Variants in RAB33B observed in about 807,000 individuals in gnomAD.
RAB33B encodes the protein ras-related protein Rab-33B.
In RAB33B, 6 loss-of-function variants were observed where a neutral mutation model predicts 15.0. The ratio of observed to expected loss-of-function variants is 0.40; its 90% CI spans 0.22 to 0.79. The LOEUF is 0.79. Ranked by LOEUF, RAB33B falls within the 30% of genes least tolerant of loss-of-function variation. The probability of loss-of-function intolerance (pLI) is 0.37; values close to 1 mark genes in which losing one functional copy is unlikely to be tolerated. For synonymous variants in RAB33B, 117 were observed against 108.3 expected, an observed-to-expected ratio of 1.08 and a Z score of -0.50; for missense variants, 257 against 296.4, an observed-to-expected ratio of 0.87 and a Z score of 0.98.
intron 1 of RAB33B, among the ~76,000 whole-genome samples, chr4:139,464,006 C>CT: frequency 6.6e-6 from 1 of 152,320 alleles, no homozygotes; most frequent in South Asian, 2.1e-4. Flanking sequence ...GGCATGATGG[C>CT]TTTTGCCTAT....
rs1168750457 is a variant in RAB33B at position 139,473,858 on chromosome 4, A to G, written c.*732A>G. The G allele has an allele frequency of 6.6e-6, 1 of 151,742 alleles. No individual in the cohort carries two copies. The highest frequency in any genetic ancestry group is 2.4e-5 in the African/African-American group (1 of 41,326). The allele number at this position is 151,742 out of a possible 1,614,324, so 9.4% of individuals were successfully genotyped here. A position where few individuals can be genotyped will look rare whatever the true frequency, so the allele number is the denominator to read the frequency against. On this transcript the variant is annotated 3_prime_UTR_variant, in exon 2 of 2. Transcript: ENST00000305626. ...CTAATTAATACTTATCAGATCTACA[A>G]AAATCATTATTATTTTAAAAGAGTT... is the stretch of plus-strand genomic sequence containing the variant.
the RAB33B span, among the ~76,000 whole-genome samples, chr4:139,445,901 C>T: frequency 7.2e-5 from 11 of 152,182 alleles, no homozygotes; most frequent in Admixed American, 3.3e-4. Flanking sequence ...ACATCTTCTG[C>T]AGATAACTAT....
At chr4:139,457,691 C>G (rs1750093381) in intron 1 of RAB33B, among the ~76,000 whole-genome samples, 1 of 152,134 alleles carries the variant, frequency 6.6e-6, no homozygotes, top group East Asian at 1.9e-4. Context: ...GGTCAGCAAA[C>G]TATGCTTGAG....
the RAB33B span, among the ~76,000 whole-genome samples, chr4:139,446,963 G>C: frequency 2.0e-5 from 3 of 152,232 alleles, no homozygotes; most frequent in African/African-American, 7.2e-5. Flanking sequence ...GTAAAGGGTA[G>C]AGGTTTGTCC....
chr4:139,463,010 A>C (rs946848966), intron 1 of RAB33B, among the ~76,000 whole-genome samples: 4 of 152,152 alleles, frequency 2.6e-5, no homozygotes, highest in Admixed American at 2.6e-4. Flanking sequence ...TACAAAAAAC[A>C]CAAAAATTAA....
chr4:139,455,065 A>G (rs1056922570), intron 1 of RAB33B, among the ~76,000 whole-genome samples: 18 of 152,216 alleles, frequency 1.2e-4, no homozygotes, highest in African/African-American at 4.1e-4. Context: ...AGCATTTCTC[A>G]TGATGCCACC....
At chr4:139,444,035 C>T in the RAB33B span, among the ~76,000 whole-genome samples, 2 of 152,010 alleles carry the variant, frequency 1.3e-5, no homozygotes, top group Admixed American at 6.6e-5. Flanking sequence ...GCACTATACT[C>T]GAAAATAACT....
Position 139,463,058 on chromosome 4 carries a change from CAGG to C in RAB33B, c.249+8618_249+8620del, listed in dbSNP as rs369218237. ...ACACACTCCTGTAGTCGCAGCTACT[CAGG>C]AGGCTGAAGTGGGAGGATTACTTGA... On this transcript the variant is annotated intron_variant, in intron 1 of 1. Transcript: ENST00000305626. Among the ~76,000 whole-genome samples the C allele has an allele frequency of 2.5e-3, 384 of 152,270 alleles. 1 individual carries two copies. The highest frequency in any genetic ancestry group is 0.01 in the Middle Eastern group (3 of 294).
At position 139,471,694 on chromosome 4, in the gene RAB33B, C is replaced by T. The variant is rs80043391; in HGVS notation, c.250-992C>T. On this transcript the variant is annotated intron_variant, in intron 1 of 1. Coordinates refer to ENST00000305626, the MANE Select transcript of RAB33B (RefSeq NM_031296.3). ...GTTCAAGTGACCCTGATGCCTTGGA[C>T]TCCCAGAGTGCTGAGCTACCGCATC... Among the ~76,000 whole-genome samples, 1,084 of 152,220 alleles carry T rather than the reference C, an allele frequency of 7.1e-3. 8 individuals are homozygous for T. The highest frequency in any genetic ancestry group is 0.024 in the African/African-American group (1,005 of 41,544).
the RAB33B span, among the ~76,000 whole-genome samples, chr4:139,443,487 C>T: frequency 6.6e-6 from 1 of 152,150 alleles, no homozygotes; most frequent in South Asian, 2.1e-4. Context: ...ATTCTAACTC[C>T]TCGCTCCAGA....
the RAB33B span, among the ~76,000 whole-genome samples, chr4:139,447,660 T>C: frequency 9.1e-6 from 1 of 109,732 alleles, no homozygotes; most frequent in Non-Finnish European, 1.8e-5. Context: ...GTCTACTACT[T>C]TTTTTTTTTT....
chr4:139,463,227 C>T (rs917154469), intron 1 of RAB33B, among the ~76,000 whole-genome samples: 4 of 152,264 alleles, frequency 2.6e-5, no homozygotes, highest in Non-Finnish European at 4.4e-5. Context: ...TGCAATGGTG[C>T]GATGTCAGCT....
upstream of RAB33B, chr4:139,451,368 T>TTTTTTTTTTTTTTTC (rs1749919593): frequency 7.1e-6 from 1 of 140,160 alleles, no homozygotes; most frequent in African/African-American, 2.8e-5. Flanking sequence ...ACCCACTTTT[T>TTTTTTTTTTTTTTTC]TTTTTTTTTT....
At position 139,475,457 on chromosome 4, in the gene RAB33B, C is replaced by A. The variant is rs528163192; in HGVS notation, c.*2331C>A. On this transcript the variant is annotated 3_prime_UTR_variant, in exon 2 of 2. Coordinates refer to ENST00000305626, the MANE Select transcript of RAB33B (RefSeq NM_031296.3). ...TTTATTAGTTTTAAAATATTTGTAT[C>A]TCATTTGTAACAATTTGTTTTAATT... is the stretch of plus-strand genomic sequence containing the variant. The A allele has an allele frequency of 6.6e-6, 1 of 151,714 alleles. No individual in the cohort carries two copies. Among genetic ancestry groups the A allele is most frequent in the South Asian group, 2.1e-4 (1 of 4,814 alleles). The allele number at this position is 151,714 out of a possible 1,614,324, so 9.4% of individuals were successfully genotyped here. A position where few individuals can be genotyped will look rare whatever the true frequency, so the allele number is the denominator to read the frequency against.
At chr4:139,439,883 G>A in the RAB33B span, among the ~76,000 whole-genome samples, 2 of 151,746 alleles carry the variant, frequency 1.3e-5, no homozygotes, top group African/African-American at 4.8e-5. Context: ...TTTCTTTTAG[G>A]TTTTCTATCT....
chr4:139,462,668 T>G (rs567178240), intron 1 of RAB33B, among the ~76,000 whole-genome samples: 25 of 152,344 alleles, frequency 1.6e-4, no homozygotes, highest in Admixed American at 9.1e-4. Flanking sequence ...GAAATGTGTG[T>G]GTCTGGTGTA....
chr4:139,472,068 G>C (rs1750403171), intron 1 of RAB33B, among the ~76,000 whole-genome samples: 1 of 152,156 alleles, frequency 6.6e-6, no homozygotes, highest in Admixed American at 6.5e-5. Flanking sequence ...TTCTGTATCT[G>C]ATCTTAGGCC....
chr4:139,449,398 A>T (rs553767601), upstream of RAB33B: 113 of 152,298 alleles, frequency 7.4e-4, no homozygotes, highest in African/African-American at 2.4e-3. Context: ...AGTCAACTTG[A>T]TTGGATTAAA....
chr4:139,454,116 C>G, upstream of RAB33B: 1 of 1,482,268 alleles, frequency 6.7e-7, no homozygotes, highest in Non-Finnish European at 9.0e-7. Flanking sequence ...GCCGGCTGGG[C>G]GCGCGCTCTT....
Sources: allele counts gnomAD v4.1 joint callset (sites outside exome capture counted in the v4.1 genomes callset), GRCh38; gene constraint gnomAD v4.1.1; transcripts MANE v1.5; gene names NCBI Gene and HGNC (gene_info 2026-07-23, HGNC 2026-07-21).